MEGF10: variants seen among roughly 807,000 people sequenced by gnomAD.
The protein encoded by MEGF10 is multiple EGF like domains 10.
In MEGF10, 86 loss-of-function variants were observed where a neutral mutation model predicts 147.5. The observed-to-expected ratio is 0.58, with a 90% CI of 0.49 to 0.70. The LOEUF (loss-of-function observed/expected upper bound fraction) is 0.70, where lower values mean the gene tolerates loss of function less well. Among genes scored for constraint, MEGF10 ranks in the 30% least tolerant of loss-of-function variants. The pLI, the probability that MEGF10 is intolerant of heterozygous loss-of-function variation, is 0.00. For synonymous variants in MEGF10, 478 were observed against 525.5 expected (o/e 0.91, Z 1.24); for missense variants, 1,329 against 1,487.3 (o/e 0.89, Z 1.75).
chr5:127,271,115 G>A, the MEGF10 span, among the ~76,000 whole-genome samples: 2 of 152,170 alleles, frequency 1.3e-5, no homozygotes, highest in East Asian at 3.9e-4. Context: ...ATTTCTGCCT[G>A]TAGGTCTTTG....
At chr5:127,240,962 C>A in the MEGF10 span, among the ~76,000 whole-genome samples, 1 of 152,174 alleles carries the variant, frequency 6.6e-6, no homozygotes, top group Non-Finnish European at 1.5e-5. Flanking sequence ...TAAGTTGTGT[C>A]AAAATGCAAA....
chr5:127,323,338 A>C (rs955506019), intron 1 of MEGF10, among the ~76,000 whole-genome samples: 2 of 152,210 alleles, frequency 1.3e-5, no homozygotes, highest in African/African-American at 2.4e-5. Flanking sequence ...CTAGATGACT[A>C]TGCCTAAATG....
chr5:127,382,154 T>C (rs1200727471), intron 5 of MEGF10, among the ~76,000 whole-genome samples: 5 of 152,232 alleles, frequency 3.3e-5, no homozygotes, highest in Non-Finnish European at 7.3e-5. Flanking sequence ...ATACACAACC[T>C]AGTTAATTTT....
intron 4 of MEGF10, among the ~76,000 whole-genome samples, chr5:127,364,276 C>T (rs1272216531): frequency 2.0e-5 from 3 of 152,202 alleles, no homozygotes; most frequent in South Asian, 2.1e-4. Context: ...CATCAATCCA[C>T]GTTAACCCAC....
chr5:127,442,888 T>C, intron 18 of MEGF10, 110 bp from the exon 19 acceptor site: 1 of 1,175,294 alleles, frequency 8.5e-7, no homozygotes, highest in Non-Finnish European at 1.2e-6. Context: ...TCAGCCTCAA[T>C]AGGAATCCCC....
At chr5:127,342,228 C>G (rs1761707821) in intron 4 of MEGF10, among the ~76,000 whole-genome samples, 1 of 152,100 alleles carries the variant, frequency 6.6e-6, no homozygotes, top group African/African-American at 2.4e-5. Context: ...GGAGTACACA[C>G]AGGGGTGGGG....
the MEGF10 span, among the ~76,000 whole-genome samples, chr5:127,247,772 A>C: frequency 6.6e-6 from 1 of 152,048 alleles, no homozygotes; most frequent in Non-Finnish European, 1.5e-5. Flanking sequence ...CCAAGTGAAG[A>C]TCATTAGTCT....
chr5:127,455,636 G>A (rs1050114009), intron 24 of MEGF10, 29 bp downstream of exon 24: 17 of 1,588,952 alleles, frequency 1.1e-5, no homozygotes, highest in African/African-American at 5.4e-5. Context: ...AGAAAGAACC[G>A]AGTGCTTAAG....
intron 7 of MEGF10, among the ~76,000 whole-genome samples, chr5:127,402,072 A>G (rs1165429842): frequency 1.3e-5 from 2 of 152,252 alleles, no homozygotes; most frequent in Non-Finnish European, 2.9e-5. Flanking sequence ...AATAAAGCCA[A>G]TGATAAAACA....
the MEGF10 span, among the ~76,000 whole-genome samples, chr5:127,268,864 C>T: frequency 3.0e-4 from 46 of 152,352 alleles, no homozygotes; most frequent in Admixed American, 2.4e-3. Context: ...ACACTTCACT[C>T]AGCCAGGTAC....
At chr5:127,340,148 T>A (rs1310718767) in intron 3 of MEGF10, among the ~76,000 whole-genome samples, 1 of 152,096 alleles carries the variant, frequency 6.6e-6, no homozygotes, top group Non-Finnish European at 1.5e-5. Context: ...GGCACTTTAG[T>A]TCAATGGAGA....
chr5:127,424,968 A>G (rs1204395317), intron 13 of MEGF10, among the ~76,000 whole-genome samples: 1 of 152,232 alleles, frequency 6.6e-6, no homozygotes, highest in African/African-American at 2.4e-5. Context: ...GAATTTTCTA[A>G]CAGAGAGACC....
intron 13 of MEGF10, among the ~76,000 whole-genome samples, chr5:127,427,850 C>T (rs929781): frequency 2.6e-5 from 4 of 152,154 alleles, no homozygotes; most frequent in Non-Finnish European, 4.4e-5. Flanking sequence ...AATTAACATG[C>T]CTGCACCCAA....
intron 13 of MEGF10, among the ~76,000 whole-genome samples, chr5:127,430,428 C>A (rs1765355025): frequency 6.6e-6 from 1 of 152,148 alleles, no homozygotes; most frequent in Non-Finnish European, 1.5e-5. Flanking sequence ...TATTTCATTG[C>A]AGGGTTATCC....
At chr5:127,433,632 A>G in intron 14 of MEGF10, 123 bp downstream of exon 14, 2 of 1,187,772 alleles carry the variant, frequency 1.7e-6, no homozygotes, top group Non-Finnish European at 2.3e-6. Context: ...GGCAAAAGAG[A>G]GTGTAATGGT....
In MEGF10 at chr5:127,399,269, G is replaced by T. The variant is rs181419215; in HGVS notation, c.780+473G>T. 1.7e-4 allele frequency among the ~76,000 whole-genome samples: 26 copies of T among 152,284 alleles called. No homozygotes were observed. The East Asian group carries it at 5.0e-3, about 29-fold the overall frequency. On this transcript the variant is annotated intron_variant, in intron 7 of 24. Transcript: ENST00000503335. ...AGGTAAACCACATTTACCAAGTATTGCAGGACTTCTCAGAGCCTTGAGTGT... is the reference window on the plus strand; with the variant it reads ...AGGTAAACCACATTTACCAAGTATTTCAGGACTTCTCAGAGCCTTGAGTGT...
At chr5:127,309,956 T>TCTTTCTTC (rs1760195849) in intron 1 of MEGF10, among the ~76,000 whole-genome samples, 1 of 57,610 alleles carries the variant, frequency 1.7e-5, no homozygotes. Flanking sequence ...ACTCTTTCTT[T>TCTTTCTTC]CTTTCTTTCT....
chr5:127,362,791 A>G (rs1200539140), intron 4 of MEGF10, among the ~76,000 whole-genome samples: 1 of 152,196 alleles, frequency 6.6e-6, no homozygotes. Context: ...TATGGTTAAT[A>G]TGATTATTGA....
the MEGF10 span, among the ~76,000 whole-genome samples, chr5:127,251,189 A>T: frequency 6.6e-6 from 1 of 152,144 alleles, no homozygotes. Flanking sequence ...TTCAAAAATT[A>T]AAACAAATTT....
Sources: gnomAD v4.1 joint callset for allele counts (sites outside exome capture counted in the v4.1 genomes callset) on GRCh38, gnomAD v4.1.1 for gene constraint, MANE v1.5 for transcripts, NCBI Gene and HGNC (gene_info 2026-07-23, HGNC 2026-07-21) for gene names.